Variants in TRMT9B observed in about 807,000 individuals in gnomAD.
TRMT9B encodes probable tRNA methyltransferase 9B.
TRMT9B carries 16 observed loss-of-function variants against 11.5 expected under a neutral mutation model. That is an observed-to-expected ratio of 1.39 (90% CI 0.94 to 2.11). TRMT9B has a LOEUF of 2.11. Ranked by LOEUF, TRMT9B falls within the 30% of genes most tolerant of loss-of-function variation. The pLI is 0.00. For missense variants in TRMT9B, 941 were observed against 553.8 expected (o/e 1.70, Z -7.02); for synonymous variants, 274 against 192.4 (o/e 1.42, Z -3.51).
chr8:12,951,870 G>C (rs1195922287), intron 1 of TRMT9B: 1 of 151,960 alleles, frequency 6.6e-6, no homozygotes, highest in African/African-American at 2.4e-5. Context: ...AAGGGCTAGC[G>C]AAGCACCCCC....
chr8:12,964,331 G>C (rs1314818004), intron 1 of TRMT9B, among the ~76,000 whole-genome samples: 1 of 152,164 alleles, frequency 6.6e-6, no homozygotes, highest in Non-Finnish European at 1.5e-5. Flanking sequence ...TTACAAAATA[G>C]ATGGCCTCCT....
chr8:12,976,010 G>T (rs909821639), intron 1 of TRMT9B, among the ~76,000 whole-genome samples: 2 of 152,180 alleles, frequency 1.3e-5, no homozygotes, highest in Non-Finnish European at 2.9e-5. Context: ...AAACTGACTC[G>T]TGATCTTTGG....
rs1406371432 is a variant in TRMT9B, at chr8:13,022,977, T to A, written c.*933T>A. 1 of 166,596 alleles carries A rather than the reference T, an allele frequency of 6.0e-6. No homozygotes were observed. The highest frequency in any genetic ancestry group is 1.5e-5 in the Non-Finnish European group (1 of 68,104). 10.3% of individuals were successfully genotyped at this position (166,596 alleles called of 1,614,324 possible). A position where few individuals can be genotyped will look rare whatever the true frequency, so the allele number is the denominator to read the frequency against. ...CAGCCTGGGCAACATAGCAAGACTC[T>A]GTCTCAAAATAATAATAATAATAAT... On this transcript the variant is annotated 3_prime_UTR_variant, in exon 5 of 5. Transcript: ENST00000524591.
intron 1 of TRMT9B, among the ~76,000 whole-genome samples, chr8:12,959,022 A>G (rs1801687248): frequency 1.3e-5 from 2 of 152,132 alleles, no homozygotes; most frequent in Non-Finnish European, 1.5e-5. Flanking sequence ...CAGCAAACCA[A>G]CATGGCACAT....
chr8:13,013,608 A>G (rs1470590863), intron 4 of TRMT9B, among the ~76,000 whole-genome samples: 3 of 152,306 alleles, frequency 2.0e-5, no homozygotes, highest in African/African-American at 2.4e-5. Flanking sequence ...TTGTTTTGCA[A>G]TGGAAAAATA....
intron 4 of TRMT9B, among the ~76,000 whole-genome samples, chr8:13,020,299 A>G (rs955382290): frequency 6.6e-6 from 1 of 152,250 alleles, no homozygotes; most frequent in Non-Finnish European, 1.5e-5. Flanking sequence ...AAAAACTAAC[A>G]GACTAGCACT....
At chr8:12,956,192 A>C (rs1290638418) in intron 1 of TRMT9B, among the ~76,000 whole-genome samples, 1 of 152,226 alleles carries the variant, frequency 6.6e-6, no homozygotes, top group Non-Finnish European at 1.5e-5. Flanking sequence ...AGGGATGCAC[A>C]CTTGAAGGAG....
intron 1 of TRMT9B, chr8:12,960,205 A>G (rs1801904409): frequency 1.3e-5 from 2 of 152,162 alleles, no homozygotes; most frequent in Non-Finnish European, 2.9e-5. Context: ...CAGTTTTGGC[A>G]CTCTAAGGAG....
chr8:12,972,881 G>T (rs909607195), intron 1 of TRMT9B, among the ~76,000 whole-genome samples: 1 of 152,048 alleles, frequency 6.6e-6, no homozygotes, highest in Non-Finnish European at 1.5e-5. Context: ...TAACTCAGGG[G>T]CGTTAAATAC....
chr8:12,990,749 A>T, intron 1 of TRMT9B, 85 bp from the exon 2 acceptor site: 2 of 778,030 alleles, frequency 2.6e-6, no homozygotes, highest in Non-Finnish European at 3.6e-6. Flanking sequence ...ATTTATGCAT[A>T]GGTCAGGAAG....
At chr8:12,980,522 G>A (rs1182523833) in intron 1 of TRMT9B, among the ~76,000 whole-genome samples, 1 of 152,092 alleles carries the variant, frequency 6.6e-6, no homozygotes, top group Admixed American at 6.5e-5. Context: ...CCGTGTCTAT[G>A]GTGAGAGGCA....
At chr8:13,006,710 C>T in intron 3 of TRMT9B, 1 of 1,248,832 alleles carries the variant, frequency 8.0e-7, no homozygotes, top group Non-Finnish European at 1.0e-6. Context: ...CTCTTGTCAA[C>T]CAGATTGGAG....
Position 12,966,650 on chromosome 8 carries a change from G to T in TRMT9B, c.-200+20684G>T, listed in dbSNP as rs180731285. On this transcript the variant is annotated intron_variant, in intron 1 of 4. Coordinates refer to ENST00000524591, the MANE Select transcript of TRMT9B (RefSeq NM_020844.3). ...TTTTAGTTCAGTGCCCATTTATTTA[G>T]CCTGGGACTTCTTTGATTAATACAG... Among the ~76,000 whole-genome samples, 754 of 152,232 alleles carry T rather than the reference G, an allele frequency of 5.0e-3. 4 individuals carry two copies. The highest frequency in any genetic ancestry group is 8.3e-3 in the Non-Finnish European group (567 of 68,014).
intron 1 of TRMT9B, chr8:12,951,879 C>G (rs1160538733): frequency 6.6e-6 from 1 of 152,348 alleles, no homozygotes; most frequent in Non-Finnish European, 1.5e-5. Flanking sequence ...CGAAGCACCC[C>G]CGACCGGGCC....
chr8:12,988,439 T>G (rs1477916195), intron 1 of TRMT9B, among the ~76,000 whole-genome samples: 1 of 152,218 alleles, frequency 6.6e-6, no homozygotes, highest in Non-Finnish European at 1.5e-5. Flanking sequence ...CTCAGGCTAC[T>G]AATAAAGACA....
chr8:13,008,127 T>G (rs1196053439), intron 3 of TRMT9B, among the ~76,000 whole-genome samples: 2 of 152,230 alleles, frequency 1.3e-5, no homozygotes, highest in African/African-American at 4.8e-5. Context: ...GCTTGTTGCA[T>G]ATGTGTTTCT....
chr8:13,008,776 T>C (rs1393764065), intron 3 of TRMT9B, among the ~76,000 whole-genome samples: 2 of 152,220 alleles, frequency 1.3e-5, no homozygotes, highest in African/African-American at 4.8e-5. Flanking sequence ...TTGCCCAGGC[T>C]GGAGTGCAGG....
chr8:12,956,900 A>G (rs538031024), intron 1 of TRMT9B, among the ~76,000 whole-genome samples: 1 of 152,322 alleles, frequency 6.6e-6, no homozygotes, highest in South Asian at 2.1e-4. Context: ...TTTAAGCAGT[A>G]AATTACCAGT....
chr8:12,978,973 T>C (rs1401820674), intron 1 of TRMT9B, among the ~76,000 whole-genome samples: 1 of 152,248 alleles, frequency 6.6e-6, no homozygotes, highest in East Asian at 1.9e-4. Flanking sequence ...GTAAATCTTC[T>C]GGTGTGTAAA....
Sources: gnomAD v4.1 joint callset for allele counts (sites outside exome capture counted in the v4.1 genomes callset) on GRCh38, gnomAD v4.1.1 for gene constraint, MANE v1.5 for transcripts, NCBI Gene and HGNC (gene_info 2026-07-23, HGNC 2026-07-21) for gene names.